The following SLC35F2 variants were observed in gnomAD, a reference collection of about 807,000 sequenced individuals.
SLC35F2 encodes queuine/queuosine transporter SLC35F2.
In SLC35F2, 25 loss-of-function variants were observed where a neutral mutation model predicts 38.1. The ratio of observed to expected loss-of-function variants is 0.66; its 90% CI spans 0.48 to 0.92. SLC35F2 has a LOEUF of 0.92. Ranked by LOEUF, SLC35F2 falls within the 40% of genes least tolerant of loss-of-function variation. The pLI is 0.00. For missense variants in SLC35F2, 409 were observed against 452.9 expected (o/e 0.90, Z 0.88); for synonymous variants, 173 against 181.7 (o/e 0.95, Z 0.38).
intron 1 of SLC35F2, among the ~76,000 whole-genome samples, chr11:107,827,824 T>C (rs1286279952): frequency 6.6e-6 from 1 of 150,508 alleles, no homozygotes; most frequent in African/African-American, 2.5e-5. Flanking sequence ...GGGAGGAGAA[T>C]CACTTGAACC....
At chr11:107,817,588 G>A (rs1475820124) in intron 1 of SLC35F2, among the ~76,000 whole-genome samples, 2 of 151,980 alleles carry the variant, frequency 1.3e-5, no homozygotes, top group African/African-American at 2.4e-5. Context: ...CTGGCCTTAG[G>A]TGAAAGCCAC....
At chr11:107,851,466 A>AAAAAAT (rs1860184534) in intron 1 of SLC35F2, among the ~76,000 whole-genome samples, 2 of 111,594 alleles carry the variant, frequency 1.8e-5, no homozygotes. Flanking sequence ...TCCGTCTCAA[A>AAAAAAT]AAAAATAAAA....
intron 1 of SLC35F2, among the ~76,000 whole-genome samples, chr11:107,817,034 T>C (rs1859585250): frequency 6.6e-6 from 1 of 151,978 alleles, no homozygotes; most frequent in African/African-American, 2.4e-5. Context: ...CCCCAGTACT[T>C]TGGGAGGCCG....
chr11:107,811,130 CAACTTTACAAAGTTGA>C (rs1338993675), intron 3 of SLC35F2: 1 of 985,110 alleles, frequency 1.0e-6, no homozygotes, highest in African/African-American at 1.7e-5. Context: ...CAGTTGTCTT[CAACTTTACAAAGTTGA>C]AAACCTCTGC....
chr11:107,821,186 TA>T, intron 1 of SLC35F2, among the ~76,000 whole-genome samples: 1 of 152,286 alleles, frequency 6.6e-6, no homozygotes, highest in South Asian at 2.1e-4. Context: ...AAAGCAATTA[TA>T]AATCTGAAAT....
chr11:107,796,609 T>C (rs560123267), intron 7 of SLC35F2, among the ~76,000 whole-genome samples: 1 of 152,154 alleles, frequency 6.6e-6, no homozygotes, highest in South Asian at 2.1e-4. Flanking sequence ...GAATGACAGA[T>C]ATCAGAGGCT....
chr11:107,804,700 A>AATT lies in SLC35F2; in HGVS notation c.784+15_784+17dup. Reference sequence around the variant, plus strand: ...TTGTTAAAGAATGCTGACTAAAAGGAATTATTTCTTTACATACCAATTTTC... The same window carrying AATT: ...TTGTTAAAGAATGCTGACTAAAAGGAATTATTATTTCTTTACATACCAATTTTC... On this transcript the variant is annotated intron_variant, in intron 6 of 7. Coordinates refer to ENST00000525815, the MANE Select transcript of SLC35F2 (RefSeq NM_017515.5). The AATT allele has an allele frequency of 6.4e-7, 1 of 1,560,466 alleles. No individual in the cohort carries two copies. Among genetic ancestry groups the AATT allele is most frequent in the Non-Finnish European group, 8.8e-7 (1 of 1,138,264 alleles).
chr11:107,825,617 C>T (rs1591198141), intron 1 of SLC35F2, among the ~76,000 whole-genome samples: 1 of 152,044 alleles, frequency 6.6e-6, no homozygotes. Context: ...GATCCGCCCA[C>T]CTCGGCCCCC....
rs76944565 is a variant in SLC35F2, at chr11:107,793,420, A to G, written c.940-620T>C. Among the ~76,000 whole-genome samples the G allele has an allele frequency of 3.5e-4, 53 of 152,268 alleles. No individual in the cohort carries two copies. The East Asian group carries it at 8.9e-3, about 26-fold the overall frequency. On this transcript the variant is annotated intron_variant, in intron 7 of 7. Coordinates refer to ENST00000525815, the MANE Select transcript of SLC35F2 (RefSeq NM_017515.5). ...CTCTGCATATAGTCCCACTTAGTGG[A>G]GAAAATAAAAGGTCATCATGGATAC...
chr11:107,833,007 T>C (rs1261060783), intron 1 of SLC35F2, among the ~76,000 whole-genome samples: 1 of 152,226 alleles, frequency 6.6e-6, no homozygotes, highest in Non-Finnish European at 1.5e-5. Flanking sequence ...ATTTCCAAAC[T>C]GCTGACTTAA....
intron 1 of SLC35F2, among the ~76,000 whole-genome samples, chr11:107,844,320 T>C (rs1473563746): frequency 1.3e-5 from 2 of 152,088 alleles, no homozygotes; most frequent in Non-Finnish European, 2.9e-5. Flanking sequence ...AGTATTATAA[T>C]ACCTGCCGCA....
At chr11:107,856,883 G>A (rs1392490055) in intron 1 of SLC35F2, among the ~76,000 whole-genome samples, 3 of 113,034 alleles carry the variant, frequency 2.7e-5, no homozygotes, top group Non-Finnish European at 5.4e-5. Flanking sequence ...AGGAAGGAAG[G>A]AAGGGAGGGA....
rs370565333 is a variant in SLC35F2, at chr11:107,816,015, TACACACACAC to T, written c.111-60_111-51del. The T allele has an allele frequency of 1.8e-4, 220 of 1,228,838 alleles. No individual in the cohort carries two copies. The East Asian group carries it at 4.1e-3, about 23-fold the overall frequency. 76.1% of individuals were successfully genotyped at this position (1,228,838 alleles called of 1,614,324 possible). On this transcript the variant is annotated intron_variant, in intron 1 of 7. Transcript: ENST00000525815. ...AACAGCATGCAAATAAGTTATACCTTACACACACACACACACACACACACACACACACACA... is the reference window on the plus strand; with the variant it reads ...AACAGCATGCAAATAAGTTATACCTTACACACACACACACACACACACACA...
rs551493448 is a variant in SLC35F2 at position 107,856,184 on chromosome 11, A to T, written c.110+2474T>A. Among the ~76,000 whole-genome samples, 3 of 152,062 alleles carry T rather than the reference A, an allele frequency of 2.0e-5. No individual in the cohort carries two copies. In the South Asian group the frequency reaches 6.2e-4, roughly 32 times the overall value. The stretch of plus-strand genomic sequence containing the variant: ...TCTTATCACATCTTGTTAAACATAC[A>T]TCTTGCCATATCATCTGCCCCAGCC... On this transcript the variant is annotated intron_variant, in intron 1 of 7. Transcript: ENST00000525815.
intron 3 of SLC35F2, chr11:107,811,276 T>C (rs1859474980): frequency 1.0e-6 from 1 of 984,676 alleles, no homozygotes; most frequent in Non-Finnish European, 1.2e-6. Context: ...CTTCCAATGG[T>C]TTCTTTGTCA....
chr11:107,827,748 CAA>C (rs34012776), intron 1 of SLC35F2, among the ~76,000 whole-genome samples: 7 of 130,616 alleles, frequency 5.4e-5, no homozygotes, highest in Admixed American at 7.9e-5. Flanking sequence ...GACTCTGTCT[CAA>C]AAAAAAAAAA....
chr11:107,835,055 G>A (rs1859908720), intron 1 of SLC35F2, among the ~76,000 whole-genome samples: 1 of 152,154 alleles, frequency 6.6e-6, no homozygotes, highest in Non-Finnish European at 1.5e-5. Context: ...GAAAATGAGA[G>A]AGAGTTACGC....
At chr11:107,848,460 T>C (rs902769846) in intron 1 of SLC35F2, among the ~76,000 whole-genome samples, 2 of 152,110 alleles carry the variant, frequency 1.3e-5, no homozygotes, top group Non-Finnish European at 2.9e-5. Context: ...TATTTGGAGG[T>C]GGGGCCTCTG....
chr11:107,843,883 A>T (rs1276885023), intron 1 of SLC35F2, among the ~76,000 whole-genome samples: 2 of 47,236 alleles, frequency 4.2e-5, no homozygotes, highest in Admixed American at 1.7e-4. Flanking sequence ...ATATATATAT[A>T]TATATATATA....
Sources: allele counts gnomAD v4.1 joint callset (sites outside exome capture counted in the v4.1 genomes callset), GRCh38; gene constraint gnomAD v4.1.1; transcripts MANE v1.5; gene names NCBI Gene and HGNC (gene_info 2026-07-23, HGNC 2026-07-21).